Variants in TBC1D12 observed in about 807,000 individuals in gnomAD.
The protein encoded by TBC1D12 is TBC1 domain family member 12, also known as TBC1 domain family, member 12.
Under a neutral mutation model 86.7 loss-of-function variants are expected in TBC1D12, and 56 were observed. The ratio of observed to expected loss-of-function variants is 0.65; its 90% CI spans 0.52 to 0.81. The LOEUF is 0.81. TBC1D12 is among the 30% of genes least tolerant of loss of function. The pLI is 0.00. For synonymous variants in TBC1D12, 421 were observed against 411.7 expected (o/e 1.02, Z -0.27); for missense variants, 1,023 against 1,038.8 (o/e 0.98, Z 0.21).
chr10:94,519,091 AG>A (rs1842075829), intron 9 of TBC1D12, among the ~76,000 whole-genome samples: 2 of 152,222 alleles, frequency 1.3e-5, no homozygotes, highest in Admixed American at 1.3e-4. Flanking sequence ...AAATTAATTA[AG>A]TAAATAAATA....
intron 11 of TBC1D12, among the ~76,000 whole-genome samples, chr10:94,524,495 C>G (rs149542503): frequency 0.03 from 4,502 of 152,174 alleles, 103 homozygotes; most frequent in South Asian, 0.044. Context: ...AATCCCAGTA[C>G]TTTGGGAGGC....
chr10:94,496,917 T>G, intron 4 of TBC1D12, 138 bp from the exon 5 acceptor site: 1 of 417,468 alleles, frequency 2.4e-6, no homozygotes, highest in East Asian at 4.3e-5. Context: ...TCCCTGTCCC[T>G]CCCTCCCTTA....
intron 2 of TBC1D12, among the ~76,000 whole-genome samples, chr10:94,450,795 A>C (rs1429219630): frequency 6.6e-6 from 1 of 152,162 alleles, no homozygotes; most frequent in East Asian, 1.9e-4. Flanking sequence ...GGGTAAAGAA[A>C]ATATGGTATA....
intron 1 of TBC1D12, among the ~76,000 whole-genome samples, chr10:94,409,149 C>A (rs533981447): frequency 6.6e-6 from 1 of 151,996 alleles, no homozygotes; most frequent in South Asian, 2.1e-4. Context: ...CTTTTAAAAA[C>A]CCCCCAAAAA....
At position 94,403,190 on chromosome 10, in the gene TBC1D12, T is replaced by C. The variant is rs748072822; in HGVS notation, c.577T>C (p.Ser193Pro). The change falls in exon 1 of 13, where the codon TCT (serine) becomes CCT (proline). Residue 193 changes from serine (S) to proline (P), a missense_variant. Transcript: ENST00000225235. The stretch of plus-strand genomic sequence containing the variant: ...CGCGGGAAGCCCGTCCGATTGGGCC[T>C]CTCCGCTTGAGGACCCGCTGCGGAG... ...DGAGSPSDWASPLEDPLRSCC... is the reference protein window; with the variant it reads ...DGAGSPSDWAPPLEDPLRSCC... The C allele has an allele frequency of 8.7e-6, 13 of 1,496,024 alleles. No homozygotes were observed. Among genetic ancestry groups the C allele is most frequent in the Non-Finnish European group, 1.2e-5 (13 of 1,125,762 alleles). The allele number at this position is 1,496,024 out of a possible 1,614,324, so 92.7% of individuals were successfully genotyped here. A position where few individuals can be genotyped will look rare whatever the true frequency, so the allele number is the denominator to read the frequency against.
intron 2 of TBC1D12, among the ~76,000 whole-genome samples, chr10:94,470,735 C>T (rs2055893616): frequency 7.6e-6 from 1 of 130,878 alleles, no homozygotes; most frequent in Non-Finnish European, 1.6e-5. Flanking sequence ...TCCAGGAGTG[C>T]TGCTATATAA....
chr10:94,501,923 G>A (rs2056402928), intron 6 of TBC1D12, among the ~76,000 whole-genome samples: 2 of 152,100 alleles, frequency 1.3e-5, no homozygotes, highest in Admixed American at 6.6e-5. Context: ...TAGCTACTTG[G>A]GAGGTTTAGA....
chr10:94,501,896 G>C (rs2056402489), intron 6 of TBC1D12, among the ~76,000 whole-genome samples: 1 of 152,024 alleles, frequency 6.6e-6, no homozygotes, highest in South Asian at 2.1e-4. Context: ...GGACATGGTG[G>C]CTCATGCCTG....
chr10:94,420,360 C>T (rs954546949), intron 1 of TBC1D12, among the ~76,000 whole-genome samples: 10 of 152,106 alleles, frequency 6.6e-5, no homozygotes, highest in African/African-American at 2.4e-4. Context: ...GCTACCAAGT[C>T]GATGATATTT....
At chr10:94,425,517 C>T (rs892708399) in intron 1 of TBC1D12, among the ~76,000 whole-genome samples, 3 of 152,088 alleles carry the variant, frequency 2.0e-5, no homozygotes, top group African/African-American at 4.8e-5. Context: ...TGTGTGAAGT[C>T]GCAGCACTGA....
intron 2 of TBC1D12, among the ~76,000 whole-genome samples, chr10:94,461,352 T>G (rs1026020258): frequency 9.2e-5 from 14 of 152,184 alleles, no homozygotes; most frequent in Non-Finnish European, 1.5e-4. Flanking sequence ...CAGAGGGAGC[T>G]GGAGTTGTGT....
chr10:94,528,421 T>G (rs1842349541), intron 11 of TBC1D12, among the ~76,000 whole-genome samples: 1 of 152,224 alleles, frequency 6.6e-6, no homozygotes, highest in Non-Finnish European at 1.5e-5. Flanking sequence ...TTGAAAATCT[T>G]TTGTTTTAAC....
Position 94,500,341 on chromosome 10 carries a change from G to C in TBC1D12, c.1519+14G>C. ...ATATCACTCCTGGTTTGTATTCTAC[G>C]TTCAGTTATTCCCACATGTACAAAT... On this transcript the variant is annotated intron_variant, in intron 6 of 12. Coordinates refer to ENST00000225235, the MANE Select transcript of TBC1D12 (RefSeq NM_015188.2). 6.2e-7 allele frequency: 1 copy of C among 1,604,826 alleles called. No individual in the cohort carries two copies. The highest frequency in any genetic ancestry group is 8.5e-7 in the Non-Finnish European group (1 of 1,174,012).
At chr10:94,502,864 T>G (rs1373672955) in intron 6 of TBC1D12, among the ~76,000 whole-genome samples, 20 of 152,206 alleles carry the variant, frequency 1.3e-4, no homozygotes, top group Admixed American at 1.3e-3. Flanking sequence ...GTTAAAGTAA[T>G]GAGAAGGTAC....
intron 9 of TBC1D12, 140 bp from the exon 10 acceptor site, chr10:94,521,815 A>G: frequency 1.4e-6 from 1 of 710,740 alleles, no homozygotes. Flanking sequence ...CTCTGTATTT[A>G]CCTTTGCTGG....
intron 2 of TBC1D12, among the ~76,000 whole-genome samples, chr10:94,449,953 G>T (rs1271504777): frequency 8.5e-5 from 13 of 152,068 alleles, no homozygotes; most frequent in African/African-American, 2.9e-4. Flanking sequence ...GCTACAAAAC[G>T]CAAGGCATCA....
chr10:94,403,655 T>TCCGAGC (rs150327271), intron 1 of TBC1D12, 71 bp downstream of exon 1: 24 of 1,343,860 alleles, frequency 1.8e-5, no homozygotes, highest in Admixed American at 1.1e-4. Context: ...TTGGTGGGAG[T>TCCGAGC]CGGAGCCGGA....
At chr10:94,507,223 C>A (rs773909221) in intron 6 of TBC1D12, 44 bp from the exon 7 acceptor site, 29 of 1,564,306 alleles carry the variant, frequency 1.9e-5, no homozygotes, top group Non-Finnish European at 7.8e-6. Flanking sequence ...AAATATATTT[C>A]TTTCCTATTA....
chr10:94,506,873 C>T (rs1487454653), intron 6 of TBC1D12, among the ~76,000 whole-genome samples: 1 of 152,120 alleles, frequency 6.6e-6, no homozygotes, highest in African/African-American at 2.4e-5. Context: ...CTCTGGTTTA[C>T]AGGTAAAGAA....
Sources: gnomAD v4.1 joint callset for allele counts (sites outside exome capture counted in the v4.1 genomes callset) on GRCh38, gnomAD v4.1.1 for gene constraint, MANE v1.5 for transcripts, NCBI Gene and HGNC (gene_info 2026-07-23, HGNC 2026-07-21) for gene names.